KSR2: variants seen among roughly 807,000 people sequenced by gnomAD.
KSR2 encodes the protein kinase suppressor of ras 2.
In KSR2, 25 loss-of-function variants were observed where a neutral mutation model predicts 107.8. That is an observed-to-expected ratio of 0.23 (90% confidence interval 0.17 to 0.32). The LOEUF (loss-of-function observed/expected upper bound fraction) is 0.32, where lower values mean the gene tolerates loss of function less well. KSR2 is among the 10% of genes least tolerant of loss of function. The probability of loss-of-function intolerance (pLI) is 1.00; values close to 1 mark genes in which losing one functional copy is unlikely to be tolerated. For synonymous variants in KSR2, 480 were observed against 507.0 expected (o/e 0.95, Z 0.71); for missense variants, 887 against 1,268.9 (o/e 0.70, Z 4.57).
At chr12:117,703,717 C>G (rs1886413502) in intron 4 of KSR2, among the ~76,000 whole-genome samples, 1 of 152,116 alleles carries the variant, frequency 6.6e-6, no homozygotes, top group Non-Finnish European at 1.5e-5. Context: ...GATTATAGGC[C>G]AAAAGAAATT....
intron 5 of KSR2, among the ~76,000 whole-genome samples, chr12:117,643,576 T>C (rs1883478521): frequency 6.6e-6 from 1 of 152,252 alleles, no homozygotes; most frequent in Admixed American, 6.5e-5. Flanking sequence ...GTTTATTAAG[T>C]GCACGAACAT....
chr12:117,735,333 A>C (rs1269127108), intron 4 of KSR2, among the ~76,000 whole-genome samples: 2 of 152,192 alleles, frequency 1.3e-5, no homozygotes, highest in Non-Finnish European at 2.9e-5. Flanking sequence ...TAATTTGGCA[A>C]CCAAGTGACA....
At chr12:117,479,060 G>A (rs1262219118) in intron 16 of KSR2, among the ~76,000 whole-genome samples, 1 of 152,202 alleles carries the variant, frequency 6.6e-6, no homozygotes, top group African/African-American at 2.4e-5. Flanking sequence ...GGGGCTCAGG[G>A]TTCCAGTGCT....
intron 9 of KSR2, among the ~76,000 whole-genome samples, chr12:117,548,428 TCTTC>T (rs1877043976): frequency 1.3e-5 from 2 of 152,228 alleles, no homozygotes; most frequent in Admixed American, 1.3e-4. Context: ...ATATATATTT[TCTTC>T]CTTATAATTT....
rs764536041 is a variant in KSR2 at position 117,674,378 on chromosome 12, G to A, written c.987-6720C>T. 4.5e-5 allele frequency: 21 copies of A among 461,918 alleles called. No individual in the cohort carries two copies. In the East Asian group the frequency reaches 6.0e-4, roughly 13 times the overall value. 28.6% of individuals were successfully genotyped at this position (461,918 alleles called of 1,614,324 possible). The stretch of plus-strand genomic sequence containing the variant: ...TATACTAAAGTGAAATTCACAGAAC[G>A]TAAAATTCACCATTTTAAATTGAAT... On this transcript the variant is annotated intron_variant, in intron 4 of 19. Coordinates refer to ENST00000339824, the MANE Select transcript of KSR2 (RefSeq NM_173598.6).
intron 3 of KSR2, among the ~76,000 whole-genome samples, chr12:117,786,118 C>A (rs1460615261): frequency 1.3e-5 from 2 of 151,790 alleles, no homozygotes; most frequent in African/African-American, 4.8e-5. Context: ...ACTTGAATGA[C>A]AGGAGATTTC....
chr12:117,714,066 T>C (rs936872675), intron 4 of KSR2, among the ~76,000 whole-genome samples: 1 of 148,800 alleles, frequency 6.7e-6, no homozygotes, highest in African/African-American at 2.5e-5. Flanking sequence ...CGGGATGGAG[T>C]GAGGGGGGGA....
intron 12 of KSR2, 132 bp from the exon 13 acceptor site, chr12:117,527,251 C>T (rs1317441312): frequency 1.1e-5 from 7 of 656,626 alleles, no homozygotes; most frequent in Non-Finnish European, 1.9e-5. Flanking sequence ...TTCATTTCAA[C>T]AGGTGTGTCT....
intron 1 of KSR2, among the ~76,000 whole-genome samples, chr12:117,912,105 A>G (rs1895033650): frequency 6.6e-6 from 1 of 152,236 alleles, no homozygotes; most frequent in Non-Finnish European, 1.5e-5. Flanking sequence ...AGGAAACTCA[A>G]AGAATGAAAG....
In KSR2 at chr12:117,882,543, A is replaced by C. The variant is rs1253395862; in HGVS notation, c.181-22112T>G. Among the ~76,000 whole-genome samples, 6 of 151,998 alleles carry C rather than the reference A, an allele frequency of 3.9e-5. No homozygotes were observed. In the South Asian group the frequency reaches 8.3e-4, roughly 21 times the overall value. ...CATCCTTGCAACCATACACCCATACATCTAGCCATCTATCCATTCATCCAT... is the reference window on the plus strand; with the variant it reads ...CATCCTTGCAACCATACACCCATACCTCTAGCCATCTATCCATTCATCCAT... On this transcript the variant is annotated intron_variant, in intron 1 of 19. Transcript: ENST00000339824.
chr12:117,818,551 G>A (rs927746861), intron 3 of KSR2, among the ~76,000 whole-genome samples: 3 of 152,216 alleles, frequency 2.0e-5, no homozygotes, highest in Admixed American at 1.3e-4. Flanking sequence ...TTGTGGCTGG[G>A]AGAACGCAGT....
chr12:117,614,057 A>G (rs1433872203), intron 5 of KSR2, among the ~76,000 whole-genome samples: 11 of 152,242 alleles, frequency 7.2e-5, no homozygotes, highest in Non-Finnish European at 1.3e-4. Context: ...AAATGATGGT[A>G]CATCCACAGT....
At chr12:117,801,199 C>T (rs575079965) in intron 3 of KSR2, among the ~76,000 whole-genome samples, 1 of 152,128 alleles carries the variant, frequency 6.6e-6, no homozygotes, top group Non-Finnish European at 1.5e-5. Context: ...TCACTGCAAC[C>T]TCCACCTCCT....
chr12:117,891,149 C>T (rs1358830092), intron 1 of KSR2: 1 of 152,250 alleles, frequency 6.6e-6, no homozygotes, highest in African/African-American at 2.4e-5. Context: ...GGTGCGGTGG[C>T]TCACGCCTGT....
At chr12:117,736,782 C>T (rs1320097797) in intron 4 of KSR2, among the ~76,000 whole-genome samples, 1 of 147,482 alleles carries the variant, frequency 6.8e-6, no homozygotes, top group Non-Finnish European at 1.5e-5. Context: ...CACTGCACTC[C>T]AGCCTAGACA....
intron 4 of KSR2, among the ~76,000 whole-genome samples, chr12:117,748,719 C>T (rs1000132926): frequency 5.3e-5 from 8 of 152,030 alleles, no homozygotes; most frequent in Admixed American, 1.3e-4. Context: ...AAAATGTGTC[C>T]ACATAGCTGT....
chr12:117,555,136 A>G, intron 9 of KSR2, 33 bp downstream of exon 9: 1 of 1,613,106 alleles, frequency 6.2e-7, no homozygotes, highest in Non-Finnish European at 8.5e-7. Context: ...TGCCAGCCCC[A>G]CATGCCGAGA....
At chr12:117,554,313 C>G (rs1377369365) in intron 9 of KSR2, among the ~76,000 whole-genome samples, 1 of 152,114 alleles carries the variant, frequency 6.6e-6, no homozygotes, top group Non-Finnish European at 1.5e-5. Context: ...AGGGTAGAAG[C>G]CAACCAAATT....
chr12:117,917,143 G>A (rs1365922909), intron 1 of KSR2, among the ~76,000 whole-genome samples: 2 of 152,230 alleles, frequency 1.3e-5, no homozygotes, highest in Non-Finnish European at 2.9e-5. Context: ...GTTGCCAAAT[G>A]TCCCCTGGGA....
Sources: gnomAD v4.1 joint callset for allele counts (sites outside exome capture counted in the v4.1 genomes callset) on GRCh38, gnomAD v4.1.1 for gene constraint, MANE v1.5 for transcripts, NCBI Gene and HGNC (gene_info 2026-07-23, HGNC 2026-07-21) for gene names.